Variants in IQCH observed in about 807,000 individuals in gnomAD.
The protein encoded by IQCH is IQ motif containing H.
Under a neutral mutation model 117.0 loss-of-function variants are expected in IQCH, and 98 were observed. That is an observed-to-expected ratio of 0.84 (90% CI 0.71 to 0.99). The LOEUF (loss-of-function observed/expected upper bound fraction) is 0.99. Among genes scored for constraint, IQCH ranks in the 50% least tolerant of loss-of-function variants. IQCH has a pLI of 0.00. For synonymous variants in IQCH, 412 were observed against 448.2 expected (o/e 0.92, Z 1.02); for missense variants, 1,102 against 1,243.8 (o/e 0.89, Z 1.72).
At chr15:67,335,133 G>A (rs1421588544) in intron 4 of IQCH, among the ~76,000 whole-genome samples, 2 of 152,132 alleles carry the variant, frequency 1.3e-5, no homozygotes, top group Admixed American at 1.3e-4. Flanking sequence ...CTTCGGTCTG[G>A]TTTTTACATT....
chr15:67,457,923 G>A lies in IQCH; in HGVS notation c.2506-7204G>A, dbSNP rs1281497473. On this transcript the variant is annotated intron_variant, in intron 16 of 20. Coordinates refer to ENST00000335894, the MANE Select transcript of IQCH (RefSeq NM_001031715.3). This position sits in a 1 kb window ranked among gnomAD's most constrained non-coding sequence, Gnocchi z 5.7. ...CCTTACTGCATCTTAGCCTAAACGT[G>A]ATGAGAAGTGGACTGAGCTGCCTCT... 6.6e-6 allele frequency among the ~76,000 whole-genome samples: 1 copy of A among 152,152 alleles called. No individual in the cohort carries two copies. Among genetic ancestry groups the A allele is most frequent in the East Asian group, 1.9e-4 (1 of 5,194 alleles).
chr15:67,468,308 T>C (rs912279571), intron 17 of IQCH, among the ~76,000 whole-genome samples: 1 of 152,202 alleles, frequency 6.6e-6, no homozygotes, highest in African/African-American at 2.4e-5. Flanking sequence ...TAATGAATGA[T>C]TAAGTAAAAC....
rs984125251 is a variant in IQCH at position 67,466,943 on chromosome 15, G to C, written c.2676+1646G>C. 1 of 153,104 alleles carries C rather than the reference G, an allele frequency of 6.5e-6. No individual in the cohort carries two copies. The highest frequency in any genetic ancestry group is 1.9e-4 in the East Asian group (1 of 5,226). 9.5% of individuals were successfully genotyped at this position (153,104 alleles called of 1,614,324 possible). ...ATGCCATTTCTGCAAGAAGCTGGGG[G>C]TCAGGTGTGGTGGCTCACGCCTGTA... On this transcript the variant is annotated intron_variant, in intron 17 of 20. Transcript: ENST00000335894. This position sits in a 1 kb window ranked among gnomAD's most constrained non-coding sequence, Gnocchi z 4.4.
rs190438324 is a variant in IQCH at position 67,393,267 on chromosome 15, A to T, written c.1633-2024A>T. 6.6e-6 allele frequency among the ~76,000 whole-genome samples: 1 copy of T among 152,344 alleles called. No homozygotes were observed. The highest frequency in any genetic ancestry group is 2.4e-5 in the African/African-American group (1 of 41,586). On this transcript the variant is annotated intron_variant, in intron 12 of 20. Transcript: ENST00000335894. This position sits in a 1 kb window ranked among gnomAD's most constrained non-coding sequence, Gnocchi z 5.5. The stretch of plus-strand genomic sequence containing the variant: ...AATTACAAATTCAGGACTGAAATGC[A>T]GGTGTTCTCCCCAGTCTAGTTCTCT...
At position 67,384,925 on chromosome 15, in the gene IQCH, T is replaced by C; in HGVS notation, c.1373-11T>C. The C allele has an allele frequency of 6.3e-7, 1 of 1,578,844 alleles. No homozygotes were observed. Among genetic ancestry groups the C allele is most frequent in the Non-Finnish European group, 8.7e-7 (1 of 1,148,578 alleles). On this transcript the variant is annotated splice_polypyrimidine_tract_variant and intron_variant, in intron 10 of 20. Transcript: ENST00000335894. This position sits in a 1 kb window ranked among gnomAD's most constrained non-coding sequence, Gnocchi z 4.3. ...CTCTTTCTGTGTTTTGACACCTTGT[T>C]TGCCTTTTAGGGTATTCCCAGCCTG...
In IQCH at chr15:67,411,871, A is replaced by G. The variant is rs2081459980; in HGVS notation, c.2098-5060A>G. 6.6e-6 allele frequency among the ~76,000 whole-genome samples: 1 copy of G among 152,250 alleles called. No individual in the cohort carries two copies. The highest frequency in any genetic ancestry group is 2.1e-4 in the South Asian group (1 of 4,832). On this transcript the variant is annotated intron_variant, in intron 14 of 20. Transcript: ENST00000335894. The surrounding 1 kb of genome is among the most constrained non-coding windows in gnomAD (Gnocchi z 4.4). ...ATTTACACTTTCTTGATAGAAAAAG[A>G]GAGAGCAAGAGGCAAGTTACATACT...
At chr15:67,318,111 T>C (rs189586259) in intron 4 of IQCH, among the ~76,000 whole-genome samples, 1 of 152,352 alleles carries the variant, frequency 6.6e-6, no homozygotes, top group East Asian at 1.9e-4. Flanking sequence ...TAAAAAATTA[T>C]GTAACCTCAG....
intron 16 of IQCH, among the ~76,000 whole-genome samples, chr15:67,428,262 C>G (rs558090327): frequency 6.8e-4 from 103 of 151,876 alleles, no homozygotes; most frequent in Non-Finnish European, 1.3e-3. Flanking sequence ...AAGCAGATCA[C>G]AAGCAATATA....
At chr15:67,315,247 G>C (rs911668291) in intron 4 of IQCH, among the ~76,000 whole-genome samples, 1 of 152,154 alleles carries the variant, frequency 6.6e-6, no homozygotes, top group Non-Finnish European at 1.5e-5. Flanking sequence ...AATCCAGTTA[G>C]AAGGCTGCTT....
intron 4 of IQCH, among the ~76,000 whole-genome samples, chr15:67,296,659 G>C (rs1349924787): frequency 6.6e-6 from 1 of 152,110 alleles, no homozygotes; most frequent in South Asian, 2.1e-4. Context: ...AATCTGATAG[G>C]ATGATAGGAA....
chr15:67,482,758 C>T (rs749808649), intron 18 of IQCH, among the ~76,000 whole-genome samples: 149 of 152,014 alleles, frequency 9.8e-4, no homozygotes, highest in Non-Finnish European at 1.2e-3. Flanking sequence ...AGATCTATAA[C>T]CTAAGATGCT....
chr15:67,432,451 C>A lies in IQCH; in HGVS notation c.2505+10874C>A, dbSNP rs1354085147. Among the ~76,000 whole-genome samples the A allele has an allele frequency of 6.6e-6, 1 of 152,206 alleles. No homozygotes were observed. The highest frequency in any genetic ancestry group is 1.5e-5 in the Non-Finnish European group (1 of 68,030). On this transcript the variant is annotated intron_variant, in intron 16 of 20. Transcript: ENST00000335894. This position sits in a 1 kb window ranked among gnomAD's most constrained non-coding sequence, Gnocchi z 5.0. ...AGTCTTTCCACTAACTAGTGTGATA[C>A]TGTAGACAATTCACTTGACCAATCT...
chr15:67,449,221 G>A (rs2082461994), intron 16 of IQCH, among the ~76,000 whole-genome samples: 1 of 152,070 alleles, frequency 6.6e-6, no homozygotes, highest in South Asian at 2.1e-4. Context: ...AGAAGCTCCT[G>A]AGTTTAATTA....
At chr15:67,485,001 A>T (rs1193747831) in intron 18 of IQCH, among the ~76,000 whole-genome samples, 1 of 152,122 alleles carries the variant, frequency 6.6e-6, no homozygotes, top group Non-Finnish European at 1.5e-5. Context: ...GTTATGAGAC[A>T]GGGACTCATA....
chr15:67,299,266 G>T (rs1268586641), intron 4 of IQCH, among the ~76,000 whole-genome samples: 1 of 151,898 alleles, frequency 6.6e-6, no homozygotes, highest in African/African-American at 2.4e-5. Flanking sequence ...GTTACCAGAG[G>T]CTGGGAAGGG....
At chr15:67,398,829 G>A (rs1971550150) in intron 13 of IQCH, among the ~76,000 whole-genome samples, 1 of 152,100 alleles carries the variant, frequency 6.6e-6, no homozygotes, top group Non-Finnish European at 1.5e-5. Flanking sequence ...AGAACAGCAT[G>A]GGAAGGCTCT....
chr15:67,279,391 T>G lies in IQCH; in HGVS notation c.270-4T>G. The G allele has an allele frequency of 6.8e-7, 1 of 1,478,216 alleles. No homozygotes were observed. The highest frequency in any genetic ancestry group is 9.4e-7 in the Non-Finnish European group (1 of 1,066,218). The allele number at this position is 1,478,216 out of a possible 1,614,324, so 91.6% of individuals were successfully genotyped here. ...GATTTTAAATTCCATTTCTTCTTAC[T>G]TAGGTTACTTCCAACTGTAATTGAT... is the stretch of plus-strand genomic sequence containing the variant. On this transcript the variant is annotated splice_region_variant and splice_polypyrimidine_tract_variant and intron_variant, in intron 3 of 20. Transcript: ENST00000335894.
intron 20 of IQCH, among the ~76,000 whole-genome samples, chr15:67,497,240 C>T (rs532477319): frequency 4.0e-5 from 6 of 151,408 alleles, no homozygotes; most frequent in Non-Finnish European, 5.9e-5. Context: ...CTGAGATGGG[C>T]GGATGGCCTG....
intron 19 of IQCH, among the ~76,000 whole-genome samples, chr15:67,492,985 C>T (rs866449433): frequency 9.2e-5 from 14 of 152,318 alleles, no homozygotes; most frequent in Middle Eastern, 3.4e-3. Context: ...GCTGTCCCTA[C>T]ACCTGTACCT....
Sources: gnomAD v4.1 joint callset for allele counts (sites outside exome capture counted in the v4.1 genomes callset) on GRCh38, gnomAD v4.1.1 for gene constraint, Gnocchi (gnomAD v3.1) non-coding constraint, MANE v1.5 for transcripts, NCBI Gene and HGNC (gene_info 2026-07-23, HGNC 2026-07-21) for gene names.